ABCB5: variants seen among roughly 807,000 people sequenced by gnomAD.
ABCB5 encodes the protein ATP-binding cassette sub-family B member 5.
A neutral mutation model predicts 144.2 loss-of-function variants in ABCB5; 155 were observed. The observed-to-expected ratio is 1.08, with a 90% CI of 0.94 to 1.23. The LOEUF (loss-of-function observed/expected upper bound fraction) is 1.23, where lower values mean the gene tolerates loss of function less well. Ranked by LOEUF, ABCB5 falls within the 50% of genes most tolerant of loss-of-function variation. ABCB5 has a pLI of 0.00. For synonymous variants in ABCB5, 610 were observed against 528.6 expected, an observed-to-expected ratio of 1.15 and a Z score of -2.11; for missense variants, 1,830 against 1,520.8, an observed-to-expected ratio of 1.20 and a Z score of -3.38.
intron 14 of ABCB5, among the ~76,000 whole-genome samples, chr7:20,669,725 A>T (rs1227841615): frequency 3.0e-5 from 3 of 100,644 alleles, no homozygotes; most frequent in African/African-American, 1.3e-4. Context: ...ATGATCAATA[A>T]AAAAAAAAAA....
At chr7:20,658,374 A>G in intron 13 of ABCB5, 132 bp from the exon 14 acceptor site, 1 of 706,812 alleles carries the variant, frequency 1.4e-6, no homozygotes. Context: ...AACAAATCAA[A>G]AGACATAAGC....
At chr7:20,672,063 G>C (rs1200653166) in intron 14 of ABCB5, among the ~76,000 whole-genome samples, 1 of 152,122 alleles carries the variant, frequency 6.6e-6, no homozygotes, top group Non-Finnish European at 1.5e-5. Flanking sequence ...GATGACTGAT[G>C]ATGTTAAGCA....
At chr7:20,736,413 T>C (rs1201001238) in intron 23 of ABCB5, among the ~76,000 whole-genome samples, 1 of 152,154 alleles carries the variant, frequency 6.6e-6, no homozygotes, top group Non-Finnish European at 1.5e-5. Context: ...AGATGGAGTT[T>C]CACCATGTTG....
chr7:20,640,225 G>C (rs767880327), intron 5 of ABCB5, among the ~76,000 whole-genome samples: 7 of 152,118 alleles, frequency 4.6e-5, no homozygotes, highest in Non-Finnish European at 1.0e-4. Context: ...TTCTATTAAA[G>C]TTTCTGTGAA....
rs565832405 is a variant in ABCB5, at chr7:20,622,020, C to T, written c.-21-1245C>T. Among the ~76,000 whole-genome samples, 9 of 152,166 alleles carry T rather than the reference C, an allele frequency of 5.9e-5. No homozygotes were observed. In the South Asian group the frequency reaches 1.9e-3, roughly 32 times the overall value. On this transcript the variant is annotated intron_variant, in intron 1 of 27. Coordinates refer to ENST00000404938, the MANE Select transcript of ABCB5 (RefSeq NM_001163941.2). ...GACATGAAGAACACAACGTGCTTTACCTGGATACTAACCAGTGTTCTAATC... is the reference window on the plus strand; with the variant it reads ...GACATGAAGAACACAACGTGCTTTATCTGGATACTAACCAGTGTTCTAATC...
rs192230855 is a variant in ABCB5, at chr7:20,672,916, C to T, written c.1708-8589C>T. On this transcript the variant is annotated intron_variant, in intron 14 of 27. Transcript: ENST00000404938. The stretch of plus-strand genomic sequence containing the variant: ...TTTGTCTGTCTTTGAGTTTATTCTT[C>T]TCTTTTGTATTTAATTGGTTTCTGC... 1.5e-3 allele frequency among the ~76,000 whole-genome samples: 222 copies of T among 152,154 alleles called. 2 individuals are homozygous for T. Among genetic ancestry groups the T allele is most frequent in the African/African-American group, 5.1e-3 (210 of 41,552 alleles).
chr7:20,727,233 T>A, intron 22 of ABCB5, 93 bp downstream of exon 22: 1 of 794,734 alleles, frequency 1.3e-6, no homozygotes, highest in Non-Finnish European at 2.0e-6. Flanking sequence ...TGCTAATTCA[T>A]TTGCTCTTGA....
intron 20 of ABCB5, among the ~76,000 whole-genome samples, chr7:20,706,493 C>T (rs984207087): frequency 3.3e-5 from 5 of 152,146 alleles, no homozygotes; most frequent in Non-Finnish European, 2.9e-5. Flanking sequence ...ATAGTATTGT[C>T]CCTGAGGGAA....
At position 20,725,682 on chromosome 7, in the gene ABCB5, G is replaced by A. The variant is rs555347132; in HGVS notation, c.2626-1358G>A. ...CATCCCTTCTCCATTGTGAAAAATT[G>A]GAGATTTTTTTAATGTTCATTCCTT... On this transcript the variant is annotated intron_variant, in intron 21 of 27. Transcript: ENST00000404938. 7.9e-5 allele frequency among the ~76,000 whole-genome samples: 12 copies of A among 152,130 alleles called. No individual in the cohort carries two copies. In the South Asian group the frequency reaches 2.5e-3, roughly 32 times the overall value.
intron 14 of ABCB5, 128 bp downstream of exon 14, chr7:20,658,804 T>A: frequency 8.5e-7 from 1 of 1,171,150 alleles, no homozygotes; most frequent in Non-Finnish European, 1.2e-6. Context: ...GGCAGGATGT[T>A]AATCCACTGA....
chr7:20,728,365 A>G lies in ABCB5; in HGVS notation c.2777A>G (p.His926Arg). The stretch of plus-strand genomic sequence containing the variant: ...ATTGGAAGCTGTTATGCATTCAGCC[A>G]TGCCTTTATATATTTTGCCTATGCG... ...QIIGSCYAFS[H>R]AFIYFAYAAG... The change falls in exon 23 of 28, where the codon CAT (histidine) becomes CGT (arginine). Residue 926 changes from histidine (H) to arginine (R), a missense_variant. His to Arg is a conservative substitution (Grantham distance 29). Transcript: ENST00000404938. The G allele has an allele frequency of 1.2e-6, 2 of 1,614,200 alleles. No homozygotes were observed. Among genetic ancestry groups the G allele is most frequent in the Non-Finnish European group, 1.7e-6 (2 of 1,180,016 alleles).
chr7:20,681,654 T>C lies in ABCB5; in HGVS notation c.1857T>C (p.Leu619=). The C allele has an allele frequency of 1.9e-6, 3 of 1,613,996 alleles. No homozygotes were observed. Among genetic ancestry groups the C allele is most frequent in the Non-Finnish European group, 2.5e-6 (3 of 1,179,972 alleles). Residue 619 remains leucine (L), a synonymous_variant, in exon 15 of 28, where the codon CTT becomes CTC. Transcript: ENST00000404938. The part of the protein sequence containing the change: ...LMAKRGLYYS[L]VMSQDIKKAD... ...CAAAACGAGGTCTATATTATTCACT[T>C]GTGATGTCACAGGTAATGCTTATGT...
At chr7:20,710,947 T>C (rs1787006144) in intron 20 of ABCB5, among the ~76,000 whole-genome samples, 1 of 149,986 alleles carries the variant, frequency 6.7e-6, no homozygotes, top group Admixed American at 6.7e-5. Flanking sequence ...AAGTATAATG[T>C]TTTGTTTTGT....
intron 25 of ABCB5, 113 bp downstream of exon 25, chr7:20,743,187 A>C: frequency 4.5e-6 from 5 of 1,106,228 alleles, no homozygotes; most frequent in Non-Finnish European, 6.4e-6. Flanking sequence ...TGCAGAAGTT[A>C]AAAAGAAAAA....
chr7:20,669,645 A>C (rs1443315245), intron 14 of ABCB5, among the ~76,000 whole-genome samples: 1 of 120,116 alleles, frequency 8.3e-6, no homozygotes, highest in Non-Finnish European at 1.7e-5. Context: ...TCACTTGTTT[A>C]TCTGCTGACC....
chr7:20,617,566 T>C (rs187316724), intron 1 of ABCB5, among the ~76,000 whole-genome samples: 11 of 152,358 alleles, frequency 7.2e-5, no homozygotes, highest in Non-Finnish European at 1.3e-4. Context: ...AGATACTATA[T>C]AGTCATGTTT....
In ABCB5 at chr7:20,700,092, CGAT is replaced by C; in HGVS notation, c.2297_2299del (p.Met766del). On this transcript the variant is annotated inframe_deletion, in exon 19 of 28. Transcript: ENST00000404938. ...TACGGCAGAGCAGGGGAAATTTTAACGATGAGATTAAGACACTTGGCCTTCAAA... is the reference window on the plus strand; with the variant it reads ...TACGGCAGAGCAGGGGAAATTTTAACGAGATTAAGACACTTGGCCTTCAAA... 1 of 1,613,722 alleles carries C rather than the reference CGAT, an allele frequency of 6.2e-7. No homozygotes were observed. The highest frequency in any genetic ancestry group is 8.5e-7 in the Non-Finnish European group (1 of 1,179,836).
chr7:20,670,596 A>C (rs1785434416), intron 14 of ABCB5, among the ~76,000 whole-genome samples: 1 of 152,194 alleles, frequency 6.6e-6, no homozygotes. Flanking sequence ...CACCAAAGTA[A>C]ATGCGAGACT....
At chr7:20,658,025 G>A (rs986404546) in intron 13 of ABCB5, among the ~76,000 whole-genome samples, 5 of 152,024 alleles carry the variant, frequency 3.3e-5, no homozygotes, top group Admixed American at 6.5e-5. Flanking sequence ...AGTATCTCAA[G>A]ATGGAAAAAA....
Sources: gnomAD v4.1 joint callset for allele counts (sites outside exome capture counted in the v4.1 genomes callset) on GRCh38, gnomAD v4.1.1 for gene constraint, MANE v1.5 for transcripts, NCBI Gene and HGNC (gene_info 2026-07-23, HGNC 2026-07-21) for gene names.